Variants in NFYA observed in about 807,000 individuals in gnomAD.
NFYA encodes CAAT-box DNA binding protein subunit A.
NFYA carries 28 observed loss-of-function variants against 52.8 expected under a neutral mutation model. That is an observed-to-expected ratio of 0.53 (90% confidence interval 0.39 to 0.73). The LOEUF is 0.73. Among genes scored for constraint, NFYA ranks in the 30% least tolerant of loss-of-function variants. The pLI is 0.00. For missense variants in NFYA, 234 were observed against 427.0 expected, an observed-to-expected ratio of 0.55 and a Z score of 3.98; for synonymous variants, 150 against 150.7, an observed-to-expected ratio of 1.00 and a Z score of 0.03.
At chr6:41,073,644 C>T (rs1763618324) in intron 1 of NFYA, among the ~76,000 whole-genome samples, 1 of 152,166 alleles carries the variant, frequency 6.6e-6, no homozygotes, top group Non-Finnish European at 1.5e-5. Context: ...GGGGAGGGTG[C>T]GCGCCGCGGC....
intron 1 of NFYA, 149 bp from the exon 2 acceptor site, chr6:41,078,880 G>C (rs1048432344): frequency 3.9e-6 from 2 of 507,700 alleles, no homozygotes; most frequent in Non-Finnish European, 7.0e-6. Flanking sequence ...TGTAATCCCA[G>C]TTAAAAATGA....
chr6:41,094,680 G>T (rs1050335325), intron 9 of NFYA, among the ~76,000 whole-genome samples, 183 bp downstream of exon 9: 5 of 152,082 alleles, frequency 3.3e-5, no homozygotes, highest in African/African-American at 1.2e-4. Context: ...AGACTTGGTG[G>T]CTCATGCCTG....
At chr6:41,096,845 G>C (rs1377579002) in intron 9 of NFYA, among the ~76,000 whole-genome samples, 1 of 152,200 alleles carries the variant, frequency 6.6e-6, no homozygotes, top group African/African-American at 2.4e-5. Flanking sequence ...CTAACTTTCT[G>C]ACCCTGACCC....
At chr6:41,090,517 A>G (rs543223700) in intron 6 of NFYA, among the ~76,000 whole-genome samples, 12 of 152,114 alleles carry the variant, frequency 7.9e-5, no homozygotes, top group Non-Finnish European at 1.8e-4. Flanking sequence ...CAGTTTCTAT[A>G]GTGGTTGCTA....
At chr6:41,089,918 G>C (rs1292087014) in intron 5 of NFYA, among the ~76,000 whole-genome samples, 3 of 152,136 alleles carry the variant, frequency 2.0e-5, no homozygotes, top group African/African-American at 7.2e-5. Context: ...AAGAGATCAA[G>C]AACATCCTGG....
chr6:41,089,490 G>C, intron 4 of NFYA, 89 bp from the exon 5 acceptor site: 2 of 1,368,162 alleles, frequency 1.5e-6, no homozygotes, highest in South Asian at 1.8e-5. Context: ...AACATTTTCT[G>C]CTTTCTAGAG....
At chr6:41,073,818 C>T (rs997310731) in intron 1 of NFYA, among the ~76,000 whole-genome samples, 2 of 152,164 alleles carry the variant, frequency 1.3e-5, no homozygotes, top group African/African-American at 2.4e-5. Flanking sequence ...CCCGGGTCTC[C>T]GGCCCGGCGC....
At chr6:41,081,988 G>A (rs949329845) in intron 3 of NFYA, among the ~76,000 whole-genome samples, 1 of 152,190 alleles carries the variant, frequency 6.6e-6, no homozygotes, top group Non-Finnish European at 1.5e-5. Flanking sequence ...GTGTATGTAG[G>A]TTACTTTTAT....
At position 41,089,429 on chromosome 6, in the gene NFYA, G is replaced by A. The variant is rs1764138762; in HGVS notation, c.310-150G>A. ...TTGTTTCATAAATGGAAAATAAGTTGTGTCTACTTCATAATGGAGGGCAGA... is the reference window on the plus strand; with the variant it reads ...TTGTTTCATAAATGGAAAATAAGTTATGTCTACTTCATAATGGAGGGCAGA... On this transcript the variant is annotated intron_variant, in intron 4 of 9. Coordinates refer to ENST00000341376, the MANE Select transcript of NFYA (RefSeq NM_002505.5). 4 of 708,238 alleles carry A rather than the reference G, an allele frequency of 5.6e-6. No individual in the cohort carries two copies. The South Asian group carries it at 1.4e-4, about 25-fold the overall frequency. 43.9% of individuals were successfully genotyped at this position (708,238 alleles called of 1,614,324 possible). A position where few individuals can be genotyped will look rare whatever the true frequency, so the allele number is the denominator to read the frequency against.
At chr6:41,074,858 G>A (rs1763690813) in intron 1 of NFYA, among the ~76,000 whole-genome samples, 1 of 152,174 alleles carries the variant, frequency 6.6e-6, no homozygotes, top group South Asian at 2.1e-4. Flanking sequence ...GGATGAAGAG[G>A]AGACTTGTCC....
At chr6:41,090,393 G>A in intron 6 of NFYA, 84 bp downstream of exon 6, 1 of 750,002 alleles carries the variant, frequency 1.3e-6, no homozygotes, top group Non-Finnish European at 2.3e-6. Flanking sequence ...GAATTTGAGT[G>A]GTGAACTTGA....
intron 8 of NFYA, 23 bp downstream of exon 8, chr6:41,093,108 T>G (rs752038556): frequency 3.5e-5 from 56 of 1,603,016 alleles, no homozygotes; most frequent in Non-Finnish European, 4.6e-5. Context: ...TTGGGAAGGA[T>G]ATAGGAAAGG....
At chr6:41,094,988 TCTAA>T (rs985685102) in intron 9 of NFYA, among the ~76,000 whole-genome samples, 56 of 152,344 alleles carry the variant, frequency 3.7e-4, no homozygotes, top group African/African-American at 1.3e-3. Context: ...TTTTTTCCCT[TCTAA>T]CTGATGTGAG....
At position 41,090,323 on chromosome 6, in the gene NFYA, T is replaced by C. The variant is rs1764166243; in HGVS notation, c.547+14T>C. 1 of 1,589,840 alleles carries C rather than the reference T, an allele frequency of 6.3e-7. No homozygotes were observed. Among genetic ancestry groups the C allele is most frequent in the Non-Finnish European group, 8.6e-7 (1 of 1,158,630 alleles). On this transcript the variant is annotated intron_variant, in intron 6 of 9. Transcript: ENST00000341376. ...TTCTCCAGCAAGGTAAGTGTACCCA[T>C]AAGCTTCCCTAGGACTTTTTGGGGC...
intron 5 of NFYA, 63 bp from the exon 6 acceptor site, chr6:41,090,141 T>C: frequency 8.9e-7 from 1 of 1,121,290 alleles, no homozygotes; most frequent in South Asian, 1.3e-5. Context: ...TTTTAAGGAC[T>C]ACATCGTTCT....
chr6:41,097,240 G>C, intron 9 of NFYA, 117 bp from the exon 10 acceptor site: 1 of 879,404 alleles, frequency 1.1e-6, no homozygotes. Flanking sequence ...TGTATTACAA[G>C]CCTTTGATTT....
At chr6:41,086,269 G>T (rs1764041389) in intron 4 of NFYA, among the ~76,000 whole-genome samples, 1 of 152,136 alleles carries the variant, frequency 6.6e-6, no homozygotes, top group Non-Finnish European at 1.5e-5. Flanking sequence ...TTATTTAATT[G>T]TCGGTTTGCT....
At chr6:41,077,647 T>A (rs1484364432) in intron 1 of NFYA, among the ~76,000 whole-genome samples, 1 of 152,194 alleles carries the variant, frequency 6.6e-6, no homozygotes, top group African/African-American at 2.4e-5. Context: ...ACCCAGAATC[T>A]CTGAGGAGCA....
At position 41,088,284 on chromosome 6, in the gene NFYA, G is replaced by A. The variant is rs571361332; in HGVS notation, c.310-1295G>A. 1.7e-3 allele frequency among the ~76,000 whole-genome samples: 258 copies of A among 151,840 alleles called. 1 individual carries two copies. Among genetic ancestry groups the A allele is most frequent in the Non-Finnish European group, 2.0e-3 (135 of 67,930 alleles). On this transcript the variant is annotated intron_variant, in intron 4 of 9. Coordinates refer to ENST00000341376, the MANE Select transcript of NFYA (RefSeq NM_002505.5). ...AGACAAAAAAAAAATTAAGCCAGGC[G>A]TGATGGCGGACGCCTGTAGTCCCAG... is the stretch of plus-strand genomic sequence containing the variant.
Sources: gnomAD v4.1 joint callset for allele counts (sites outside exome capture counted in the v4.1 genomes callset) on GRCh38, gnomAD v4.1.1 for gene constraint, MANE v1.5 for transcripts, NCBI Gene and HGNC (gene_info 2026-07-23, HGNC 2026-07-21) for gene names.